CHRNB1: variants seen among roughly 807,000 people sequenced by gnomAD.
CHRNB1 encodes acetylcholine receptor subunit beta.
In CHRNB1, 47 loss-of-function variants were observed where a neutral mutation model predicts 53.8. The ratio of observed to expected loss-of-function variants is 0.87; its 90% confidence interval spans 0.69 to 1.11. CHRNB1 has a LOEUF of 1.11. Among genes scored for constraint, CHRNB1 ranks in the 50% most tolerant of loss-of-function variants. CHRNB1 has a pLI of 0.00. For missense variants in CHRNB1, 605 were observed against 654.9 expected, an observed-to-expected ratio of 0.92 and a Z score of 0.83; for synonymous variants, 259 against 263.5, an observed-to-expected ratio of 0.98 and a Z score of 0.16.
chr17:7,447,240 T>G (rs1908678149), intron 5 of CHRNB1, 89 bp downstream of exon 5: 2 of 1,114,536 alleles, frequency 1.8e-6, no homozygotes. Context: ...CTCCCATCCT[T>G]CATCCTTCCC....
rs1219690913 is a variant in CHRNB1 at position 7,445,481 on chromosome 17, C to G, written c.198+72C>G. On this transcript the variant is annotated intron_variant, in intron 2 of 10. Coordinates refer to ENST00000306071, the MANE Select transcript of CHRNB1 (RefSeq NM_000747.3). This position sits in a 1 kb window ranked among gnomAD's most constrained non-coding sequence, Gnocchi z 5.7. ...GGCGTGGCTTTAGGCAAGGCCGGAC[C>G]AGGGACAGGCTGGGGGCGGGGCCTG... The G allele has an allele frequency of 6.4e-7, 1 of 1,572,886 alleles. No homozygotes were observed. Among genetic ancestry groups the G allele is most frequent in the Admixed American group, 1.8e-5 (1 of 55,356 alleles).
chr17:7,448,994 A>C (rs1908776825), intron 7 of CHRNB1, among the ~76,000 whole-genome samples: 1 of 152,018 alleles, frequency 6.6e-6, no homozygotes, highest in Non-Finnish European at 1.5e-5. Context: ...CCTAGCCTCT[A>C]ATCCATAAAG....
Position 7,446,887 on chromosome 17 carries a change from TC to T in CHRNB1, c.299del (p.Ser100CysfsTer17). On this transcript the variant is annotated frameshift_variant, in exon 4 of 11. Coordinates refer to ENST00000306071, the MANE Select transcript of CHRNB1 (RefSeq NM_000747.3). LOFTEE classifies it high-confidence loss of function. ...WDPAEHDGIDSLRITAESVWL... is the reference protein window; with the variant it reads ...WDPAEHDGIDXLRITAESVWL... ...CCCTGCGGAGCACGACGGCATCGAT[TC>T]GCTCCGCATCACGGCGGAATCCGTG... is the stretch of plus-strand genomic sequence containing the variant. 1.9e-6 allele frequency: 3 copies of T among 1,613,724 alleles called. No homozygotes were observed. The highest frequency in any genetic ancestry group is 2.5e-6 in the Non-Finnish European group (3 of 1,179,920).
Position 7,454,326 on chromosome 17 carries a change from C to A in CHRNB1, c.850C>A (p.Leu284Met), listed in dbSNP as rs989527059. 1 of 1,614,064 alleles carries A rather than the reference C, an allele frequency of 6.2e-7. No homozygotes were observed. Among genetic ancestry groups the A allele is most frequent in the Non-Finnish European group, 8.5e-7 (1 of 1,180,038 alleles). ...GEKMGLSIFA[L>M]LTLTVFLLLL... ...GAAGATGGGGCTCTCAATCTTTGCC[C>A]TGCTGACCCTTACTGTGTTCCTGCT... is the stretch of plus-strand genomic sequence containing the variant. The change falls in exon 8 of 11, where the codon CTG becomes ATG. Residue 284 changes from leucine to methionine, a missense_variant. By Grantham distance (15) the Leu-to-Met change is conservative. Coordinates refer to ENST00000306071, the MANE Select transcript of CHRNB1 (RefSeq NM_000747.3).
Position 7,455,144 on chromosome 17 carries a change from C to T in CHRNB1, c.1045-140C>T. 4.1e-6 allele frequency: 4 copies of T among 979,740 alleles called. No individual in the cohort carries two copies. In the South Asian group the frequency reaches 5.7e-5, roughly 14 times the overall value. 60.7% of individuals were successfully genotyped at this position (979,740 alleles called of 1,614,324 possible). ...TCTTAGGTCTGTGTGGCTGCATTTC[C>T]TTGTGTAGCTCGTTTGTGGAAGAAT... On this transcript the variant is annotated intron_variant, in intron 8 of 10. Coordinates refer to ENST00000306071, the MANE Select transcript of CHRNB1 (RefSeq NM_000747.3).
At chr17:7,455,593 C>A in intron 9 of CHRNB1, 137 bp downstream of exon 9, 1 of 1,262,602 alleles carries the variant, frequency 7.9e-7, no homozygotes, top group Non-Finnish European at 1.1e-6. Flanking sequence ...TCCTGCTGCT[C>A]ACTTTGAGGG....
intron 7 of CHRNB1, among the ~76,000 whole-genome samples, chr17:7,449,984 C>T (rs1412722462): frequency 6.6e-6 from 1 of 151,180 alleles, no homozygotes. Context: ...GCGGAGCTTG[C>T]AGTGAGCCGA....
At chr17:7,456,513 C>A in intron 10 of CHRNB1, 70 bp from the exon 11 acceptor site, 1 of 1,600,178 alleles carries the variant, frequency 6.2e-7, no homozygotes, top group Non-Finnish European at 8.5e-7. Flanking sequence ...GGGTAGCGGG[C>A]GGGGAAATGG....
intron 7 of CHRNB1, among the ~76,000 whole-genome samples, chr17:7,452,981 G>A (rs988559788): frequency 2.6e-4 from 39 of 152,206 alleles, no homozygotes; most frequent in Admixed American, 9.8e-4. Context: ...CTGCAATCAC[G>A]CCACTAAACT....
chr17:7,456,485 T>C, intron 10 of CHRNB1, 98 bp from the exon 11 acceptor site: 3 of 1,512,828 alleles, frequency 2.0e-6, no homozygotes, highest in Non-Finnish European at 2.7e-6. Flanking sequence ...CTCAAACCAG[T>C]GGTAGGAGGA....
At chr17:7,449,659 C>T (rs1021470256) in intron 7 of CHRNB1, among the ~76,000 whole-genome samples, 7 of 151,958 alleles carry the variant, frequency 4.6e-5, no homozygotes, top group Non-Finnish European at 8.8e-5. Context: ...ATCTGTTCGC[C>T]TCAGCCTCCC....
intron 7 of CHRNB1, 37 bp downstream of exon 7, chr17:7,448,825 G>A: frequency 6.3e-7 from 1 of 1,596,752 alleles, no homozygotes; most frequent in Middle Eastern, 1.7e-4. Flanking sequence ...TTTTGTCATT[G>A]GCTCAGCTTC....
chr17:7,456,656 G>C lies in CHRNB1; in HGVS notation c.1439G>C (p.Ser480Thr). 2 of 1,614,130 alleles carry C rather than the reference G, an allele frequency of 1.2e-6. No individual in the cohort carries two copies. The highest frequency in any genetic ancestry group is 1.7e-6 in the Non-Finnish European group (2 of 1,180,038). The change falls in exon 11 of 11, where the codon AGC becomes ACC. Residue 480 changes from serine to threonine, a missense_variant. By Grantham distance (58) the Ser-to-Thr change is moderately conservative. Transcript: ENST00000306071. The part of the protein sequence containing the change: ...LFLWTFIIFT[S>T]VGTLVIFLDA... ...CTGTGGACTTTCATCATCTTCACCA[G>C]CGTTGGGACCCTAGTCATCTTCCTG...
chr17:7,449,967 C>A (rs939601798), intron 7 of CHRNB1, among the ~76,000 whole-genome samples: 1 of 151,282 alleles, frequency 6.6e-6, no homozygotes, highest in East Asian at 2.0e-4. Context: ...TGGCGTGAAC[C>A]CGGGAGGCGG....
chr17:7,447,237 C>A, intron 5 of CHRNB1, 86 bp downstream of exon 5: 2 of 1,114,366 alleles, frequency 1.8e-6, no homozygotes, highest in Non-Finnish European at 2.7e-6. Flanking sequence ...CGACTCCCAT[C>A]CTTCATCCTT....
intron 10 of CHRNB1, 107 bp downstream of exon 10, chr17:7,456,048 GCT>G: frequency 3.8e-6 from 3 of 780,890 alleles, no homozygotes; most frequent in Non-Finnish European, 1.9e-6. Context: ...TTTTTTTTTG[GCT>G]TTTTTTTTTT....
rs917329065 is a variant in CHRNB1 at position 7,446,933 on chromosome 17, T to C, written c.344T>C (p.Leu115Pro). ...TCCGTGTGGCTCCCTGACGTGGTGC[T>C]ACTGAACAAGTAGGAGAACTTCCAA... ...AESVWLPDVV[L>P]LNNNDGNFDV... is the part of the protein sequence containing the mutation. Residue 115 changes from leucine (L) to proline (P), a missense_variant, in exon 4 of 11, where the codon CTA becomes CCA. Physicochemically the swap from Leu to Pro is moderately conservative, Grantham distance 98. Transcript: ENST00000306071. 3.1e-6 allele frequency: 5 copies of C among 1,613,388 alleles called. No homozygotes were observed. Among genetic ancestry groups the C allele is most frequent in the Non-Finnish European group, 4.2e-6 (5 of 1,179,674 alleles).
At chr17:7,456,501 G>C in intron 10 of CHRNB1, 82 bp from the exon 11 acceptor site, 1 of 1,585,240 alleles carries the variant, frequency 6.3e-7, no homozygotes. Flanking sequence ...GAGGACTCAA[G>C]CGGGTAGCGG....
At chr17:7,446,472 C>T (rs1351148645) in intron 3 of CHRNB1, 2 of 510,590 alleles carry the variant, frequency 3.9e-6, no homozygotes, top group South Asian at 4.3e-5. Context: ...AGATTACAGC[C>T]GTGAGCCACT....
Sources: allele counts gnomAD v4.1 joint callset (sites outside exome capture counted in the v4.1 genomes callset), GRCh38; gene constraint gnomAD v4.1.1; non-coding constraint Gnocchi (gnomAD v3.1); transcripts MANE v1.5; gene names NCBI Gene and HGNC (gene_info 2026-07-23, HGNC 2026-07-21).